The following COL27A1 variants were observed in gnomAD, a reference collection of about 807,000 sequenced individuals.
COL27A1 encodes the protein collagen type XXVII alpha 1 chain.
In COL27A1, 106 loss-of-function variants were observed where a neutral mutation model predicts 251.3. That is an observed-to-expected ratio of 0.42 (90% CI 0.36 to 0.50). The LOEUF is 0.50. Ranked by LOEUF, COL27A1 falls within the 20% of genes least tolerant of loss-of-function variation. The pLI, the probability that COL27A1 is intolerant of heterozygous loss-of-function variation, is 0.00. For missense variants in COL27A1, 2,325 were observed against 2,522.8 expected, an observed-to-expected ratio of 0.92 and a Z score of 1.68; for synonymous variants, 1,000 against 986.3, an observed-to-expected ratio of 1.01 and a Z score of -0.26.
chr9:114,162,019 CA>C (rs1848528362), intron 1 of COL27A1, among the ~76,000 whole-genome samples: 1 of 152,232 alleles, frequency 6.6e-6, no homozygotes, highest in South Asian at 2.1e-4. Flanking sequence ...AGAGGCTGAG[CA>C]ACTCATTCGG....
At chr9:114,184,742 C>T (rs901978804) in intron 5 of COL27A1, among the ~76,000 whole-genome samples, 7 of 152,174 alleles carry the variant, frequency 4.6e-5, no homozygotes, top group African/African-American at 1.7e-4. Context: ...GATACCGTAC[C>T]CATTTACAGA....
At chr9:114,310,446 T>C in intron 60 of COL27A1, 103 bp from the exon 61 acceptor site, 2 of 1,257,708 alleles carry the variant, frequency 1.6e-6, no homozygotes, top group South Asian at 2.5e-5. Context: ...TGAAATACAG[T>C]ATAGCCATTA....
chr9:114,296,343 C>T (rs950629708), intron 49 of COL27A1, among the ~76,000 whole-genome samples: 33 of 152,082 alleles, frequency 2.2e-4, no homozygotes, highest in African/African-American at 7.5e-4. Flanking sequence ...AAAAAGAACT[C>T]GCAAAACTCA....
intron 49 of COL27A1, among the ~76,000 whole-genome samples, chr9:114,293,628 GAAACAACAA>G (rs1828068364): frequency 1.3e-5 from 2 of 151,356 alleles, no homozygotes; most frequent in African/African-American, 4.9e-5. Flanking sequence ...GACTAATCAG[GAAACAACAA>G]AAACAACAAA....
In COL27A1 at chr9:114,301,971, C is replaced by T. The variant is rs529229223; in HGVS notation, c.4846-111C>T. On this transcript the variant is annotated intron_variant, in intron 55 of 60. Transcript: ENST00000356083. ...CACCAAGCCTCCGGGAAAGCAGAGG[C>T]CAGCTTGGCAGGTCCTGCATGCTTT... The T allele has an allele frequency of 9.6e-6, 11 of 1,140,870 alleles. No individual in the cohort carries two copies. The East Asian group carries it at 2.4e-4, about 24-fold the overall frequency. 70.7% of individuals were successfully genotyped at this position (1,140,870 alleles called of 1,614,324 possible).
intron 33 of COL27A1, among the ~76,000 whole-genome samples, chr9:114,266,981 G>A (rs1834789698): frequency 6.6e-6 from 1 of 152,098 alleles, no homozygotes; most frequent in Non-Finnish European, 1.5e-5. Flanking sequence ...GCCCCCAAGG[G>A]TCATGCAGCA....
intron 2 of COL27A1, among the ~76,000 whole-genome samples, chr9:114,167,203 C>T (rs1398976179): frequency 6.6e-6 from 1 of 152,158 alleles, no homozygotes; most frequent in East Asian, 1.9e-4. Context: ...TGGGCAGCCT[C>T]TAACACTCTC....
In COL27A1 at chr9:114,287,830, G is replaced by A. The variant is rs116371992; in HGVS notation, c.3988-625G>A. 3.4e-3 allele frequency among the ~76,000 whole-genome samples: 514 copies of A among 152,316 alleles called. 3 individuals are homozygous for A. The highest frequency in any genetic ancestry group is 0.012 in the African/African-American group (497 of 41,560). On this transcript the variant is annotated intron_variant, in intron 41 of 60. Coordinates refer to ENST00000356083, the MANE Select transcript of COL27A1 (RefSeq NM_032888.4). ...AAGGATCGGAGACAGGGACTCTCGG[G>A]TTGAGGGTGAAAACTCTGAGCAGGT... is the stretch of plus-strand genomic sequence containing the variant.
At position 114,275,641 on chromosome 9, in the gene COL27A1, C is replaced by T. The variant is rs1297488595; in HGVS notation, c.3610-20C>T. 1.9e-5 allele frequency: 29 copies of T among 1,513,002 alleles called. No individual in the cohort carries two copies. Among genetic ancestry groups the T allele is most frequent in the African/African-American group, 8.3e-5 (6 of 72,468 alleles). The allele number at this position is 1,513,002 out of a possible 1,614,324, so 93.7% of individuals were successfully genotyped here. A position where few individuals can be genotyped will look rare whatever the true frequency, so the allele number is the denominator to read the frequency against. On this transcript the variant is annotated intron_variant, in intron 36 of 60. Transcript: ENST00000356083. ...AACTTATTCTCTCTCTCTCTCCCCT[C>T]TTCATGCCCTGCCACCCAGGGGGAC...
At chr9:114,195,539 T>G (rs1391255587) in intron 6 of COL27A1, among the ~76,000 whole-genome samples, 13 of 152,136 alleles carry the variant, frequency 8.5e-5, no homozygotes, top group Non-Finnish European at 1.6e-4. Context: ...TCTCAGGTCT[T>G]GGGGTGGTGG....
intron 8 of COL27A1, among the ~76,000 whole-genome samples, chr9:114,205,462 G>A (rs1269893432): frequency 1.3e-5 from 2 of 152,230 alleles, no homozygotes; most frequent in African/African-American, 4.8e-5. Flanking sequence ...GGGTTTGCAG[G>A]AATTTTGGCC....
At chr9:114,234,455 G>A (rs1251127478) in intron 16 of COL27A1, among the ~76,000 whole-genome samples, 1 of 152,112 alleles carries the variant, frequency 6.6e-6, no homozygotes, top group Non-Finnish European at 1.5e-5. Context: ...GGATGTAAAT[G>A]TTTTCGGAAT....
intron 16 of COL27A1, among the ~76,000 whole-genome samples, chr9:114,235,360 G>A (rs1323030901): frequency 1.3e-5 from 2 of 152,190 alleles, no homozygotes; most frequent in Non-Finnish European, 2.9e-5. Flanking sequence ...GCTTCTGTTA[G>A]TGGCATTTTC....
In COL27A1 at chr9:114,283,723, C is replaced by G; in HGVS notation, c.3894C>G (p.Arg1298=). 6.2e-7 allele frequency: 1 copy of G among 1,614,072 alleles called. No individual in the cohort carries two copies. Among genetic ancestry groups the G allele is most frequent in the Non-Finnish European group, 8.5e-7 (1 of 1,179,980 alleles). ...TCCTCTTGTAGGGTGCTCCGGGACGCATGGGGGCCCAAGGAGAACCGGGAC... is the reference window on the plus strand; with the variant it reads ...TCCTCTTGTAGGGTGCTCCGGGACGGATGGGGGCCCAAGGAGAACCGGGAC... ...GSLGPTGAPG[R]MGAQGEPGLA... The change falls in exon 40 of 61, where the codon CGC becomes CGG. Residue 1298 remains arginine, a synonymous_variant. Coordinates refer to ENST00000356083, the MANE Select transcript of COL27A1 (RefSeq NM_032888.4).
At chr9:114,236,357 G>A (rs1403506770) in intron 17 of COL27A1, among the ~76,000 whole-genome samples, 1 of 152,192 alleles carries the variant, frequency 6.6e-6, no homozygotes, top group East Asian at 1.9e-4. Flanking sequence ...TCGGCTCAGG[G>A]TCCTGTCCTT....
At chr9:114,282,384 C>A (rs770343371) in intron 38 of COL27A1, 54 bp downstream of exon 38, 11 of 1,610,404 alleles carry the variant, frequency 6.8e-6, no homozygotes, top group Non-Finnish European at 9.3e-6. Flanking sequence ...GCATCCCTTC[C>A]CCACATCCCT....
chr9:114,198,809 T>C (rs1217708377), intron 7 of COL27A1, among the ~76,000 whole-genome samples: 6 of 152,206 alleles, frequency 3.9e-5, no homozygotes, highest in Non-Finnish European at 8.8e-5. Context: ...CAGATAGACC[T>C]GGATGGAATC....
intron 27 of COL27A1, among the ~76,000 whole-genome samples, chr9:114,255,257 G>A (rs537402716): frequency 4.6e-5 from 7 of 152,290 alleles, no homozygotes; most frequent in South Asian, 2.1e-4. Context: ...GGGCTAGCAC[G>A]GCTGGCCGAG....
rs1489741768 is a variant in COL27A1 at position 114,168,414 on chromosome 9, G to A, written c.859G>A (p.Gly287Arg). 4 of 1,613,024 alleles carry A rather than the reference G, an allele frequency of 2.5e-6. No individual in the cohort carries two copies. Among genetic ancestry groups the A allele is most frequent in the Non-Finnish European group, 3.4e-6 (4 of 1,179,856 alleles). Residue 287 changes from glycine to arginine, a missense_variant, in exon 3 of 61, where the codon GGA becomes AGA. Gly to Arg is a moderately radical substitution (Grantham distance 125). Coordinates refer to ENST00000356083, the MANE Select transcript of COL27A1 (RefSeq NM_032888.4). ...CCTGGGGTCACTGCCAGCAGGCAGG[G>A]GACCCAGGGGGACTGTGGCACCCGC... The part of the protein sequence containing the change: ...PALGSLPAGR[G>R]PRGTVAPATP...
Sources: gnomAD v4.1 joint callset for allele counts (sites outside exome capture counted in the v4.1 genomes callset) on GRCh38, gnomAD v4.1.1 for gene constraint, MANE v1.5 for transcripts, NCBI Gene and HGNC (gene_info 2026-07-23, HGNC 2026-07-21) for gene names.